Variants in KLHL2 observed in about 807,000 individuals in gnomAD.
KLHL2 encodes the protein kelch-like protein 2.
A neutral mutation model predicts 75.8 loss-of-function variants in KLHL2; 15 were observed. That is an observed-to-expected ratio of 0.20 (90% confidence interval 0.13 to 0.30). The LOEUF is 0.30. Ranked by LOEUF, KLHL2 falls within the 10% of genes least tolerant of loss-of-function variation. The pLI is 1.00. For synonymous variants in KLHL2, 214 were observed against 251.9 expected (o/e 0.85, Z 1.42); for missense variants, 381 against 741.0 (o/e 0.51, Z 5.64).
In KLHL2 at chr4:165,231,793, G is replaced by A. The variant is rs558588874; in HGVS notation, c.259+2880G>A. Among the ~76,000 whole-genome samples the A allele has an allele frequency of 3.3e-5, 5 of 152,204 alleles. No individual in the cohort carries two copies. The South Asian group carries it at 8.3e-4, about 25-fold the overall frequency. On this transcript the variant is annotated intron_variant, in intron 3 of 14. Coordinates refer to ENST00000226725, the MANE Select transcript of KLHL2 (RefSeq NM_007246.4). Reference sequence around the variant, plus strand: ...GTAGATATCTAGGAGTGTAATTGCCGGGTCACATGGTAAATTTATACTTAA... The same window carrying A: ...GTAGATATCTAGGAGTGTAATTGCCAGGTCACATGGTAAATTTATACTTAA...
At chr4:165,224,799 G>T (rs539891291) in intron 2 of KLHL2, among the ~76,000 whole-genome samples, 1 of 152,302 alleles carries the variant, frequency 6.6e-6, no homozygotes, top group East Asian at 1.9e-4. Context: ...AATCACATTA[G>T]AGTAAATGGG....
At chr4:165,268,684 G>T (rs989597802) in intron 5 of KLHL2, among the ~76,000 whole-genome samples, 4 of 152,204 alleles carry the variant, frequency 2.6e-5, no homozygotes, top group Non-Finnish European at 5.9e-5. Flanking sequence ...GAGACAGTTT[G>T]TTGTGATTTC....
chr4:165,299,879 A>G (rs1745220705), intron 8 of KLHL2, among the ~76,000 whole-genome samples: 1 of 152,154 alleles, frequency 6.6e-6, no homozygotes, highest in Non-Finnish European at 1.5e-5. Context: ...AAACTGCATG[A>G]TGTCACTCTT....
chr4:165,251,457 T>G (rs1394703997), intron 4 of KLHL2, among the ~76,000 whole-genome samples: 1 of 152,120 alleles, frequency 6.6e-6, no homozygotes, highest in Non-Finnish European at 1.5e-5. Flanking sequence ...TAAATTATTT[T>G]TATTCAATAT....
chr4:165,318,610 GAGA>G (rs1265957965), intron 14 of KLHL2, among the ~76,000 whole-genome samples: 2 of 152,124 alleles, frequency 1.3e-5, no homozygotes, highest in South Asian at 2.1e-4. Context: ...AAACAGTACT[GAGA>G]AGAACTATGT....
chr4:165,215,824 G>A (rs1284700019), intron 1 of KLHL2, among the ~76,000 whole-genome samples: 1 of 151,928 alleles, frequency 6.6e-6, no homozygotes, highest in African/African-American at 2.4e-5. Context: ...CATATTACAT[G>A]ACTTTTGTTA....
intron 2 of KLHL2, among the ~76,000 whole-genome samples, chr4:165,220,478 G>C (rs1737899636): frequency 3.3e-5 from 5 of 152,062 alleles, no homozygotes; most frequent in Admixed American, 3.3e-4. Context: ...CCAGCACTTT[G>C]AGAGGCCAGG....
chr4:165,278,495 G>A (rs776075788), intron 5 of KLHL2: 6 of 1,597,874 alleles, frequency 3.8e-6, no homozygotes, highest in Admixed American at 1.7e-5. Context: ...CGTGAATTGA[G>A]TGAGTCCACA....
At chr4:165,298,798 A>G (rs974601570) in intron 7 of KLHL2, among the ~76,000 whole-genome samples, 2 of 152,050 alleles carry the variant, frequency 1.3e-5, no homozygotes, top group Non-Finnish European at 2.9e-5. Context: ...TTAGCCAGAC[A>G]TGGTGGCAGG....
At chr4:165,260,576 GT>G (rs970442539) in intron 4 of KLHL2, among the ~76,000 whole-genome samples, 22 of 148,942 alleles carry the variant, frequency 1.5e-4, no homozygotes, top group Middle Eastern at 3.5e-3. Context: ...ATGTGTGTGT[GT>G]GGGGGGGGTG....
At chr4:165,263,384 AT>A (rs1356465046) in intron 5 of KLHL2, 25 bp downstream of exon 5, 1 of 1,603,816 alleles carries the variant, frequency 6.2e-7, no homozygotes, top group Non-Finnish European at 8.5e-7. Flanking sequence ...CCTCAGCTGA[AT>A]TTGGGAGGAA....
chr4:165,260,710 A>G (rs183508736), intron 4 of KLHL2, among the ~76,000 whole-genome samples: 2,110 of 152,232 alleles, frequency 0.014, 40 homozygotes, highest in African/African-American at 0.045. Flanking sequence ...GATGATTCCA[A>G]TTATTTGATC....
At chr4:165,271,604 A>G (rs1156286448) in intron 5 of KLHL2, among the ~76,000 whole-genome samples, 1 of 151,068 alleles carries the variant, frequency 6.6e-6, no homozygotes, top group East Asian at 1.9e-4. Context: ...AAACAGAGAT[A>G]GTTTGACTTT....
intron 4 of KLHL2, among the ~76,000 whole-genome samples, chr4:165,240,988 A>C (rs1471373886): frequency 6.6e-6 from 1 of 152,226 alleles, no homozygotes; most frequent in Non-Finnish European, 1.5e-5. Flanking sequence ...GCCTTTCAGA[A>C]AACTCTTGCC....
At chr4:165,242,122 G>T (rs1022624408) in intron 4 of KLHL2, among the ~76,000 whole-genome samples, 4 of 151,970 alleles carry the variant, frequency 2.6e-5, no homozygotes, top group Non-Finnish European at 4.4e-5. Flanking sequence ...TTTTTAAAGG[G>T]AGATAAAAGG....
At chr4:165,260,772 A>G (rs1487862231) in intron 4 of KLHL2, among the ~76,000 whole-genome samples, 1 of 152,262 alleles carries the variant, frequency 6.6e-6, no homozygotes, top group Non-Finnish European at 1.5e-5. Context: ...TATTAGCCAC[A>G]ATAATGCTGT....
At chr4:165,279,033 T>A (rs1210760221) in intron 5 of KLHL2, 3 of 1,505,204 alleles carry the variant, frequency 2.0e-6, no homozygotes, top group Non-Finnish European at 2.8e-6. Flanking sequence ...AAAAGCATAG[T>A]CCTACTTGCA....
At position 165,247,708 on chromosome 4, in the gene KLHL2, A is replaced by G. The variant is rs536079046; in HGVS notation, c.381+8809A>G. ...AGGTAGGTATTTTATCAGCTTGCAT[A>G]TAATTATAAAGGCTGTGGCAAGTAA... On this transcript the variant is annotated intron_variant, in intron 4 of 14. Coordinates refer to ENST00000226725, the MANE Select transcript of KLHL2 (RefSeq NM_007246.4). Among the ~76,000 whole-genome samples, 288 of 152,308 alleles carry G rather than the reference A, an allele frequency of 1.9e-3. 1 individual carries two copies. Among genetic ancestry groups the G allele is most frequent in the African/African-American group, 6.8e-3 (281 of 41,572 alleles).
At chr4:165,279,119 C>G (rs772775145) in intron 5 of KLHL2, 2 of 1,599,782 alleles carry the variant, frequency 1.3e-6, no homozygotes, top group Non-Finnish European at 1.7e-6. Flanking sequence ...ATCAATAGTC[C>G]CAAAAAGAGC....
Sources: gnomAD v4.1 joint callset for allele counts (sites outside exome capture counted in the v4.1 genomes callset) on GRCh38, gnomAD v4.1.1 for gene constraint, MANE v1.5 for transcripts, NCBI Gene and HGNC (gene_info 2026-07-23, HGNC 2026-07-21) for gene names.